Variants in CPED1 observed in about 807,000 individuals in gnomAD.
The protein encoded by CPED1 is cadherin-like and PC-esterase domain-containing protein 1.
Under a neutral mutation model 128.2 loss-of-function variants are expected in CPED1, and 114 were observed. That is an observed-to-expected ratio of 0.89 (90% CI 0.76 to 1.04). The LOEUF is 1.04. Among genes scored for constraint, CPED1 ranks in the 50% least tolerant of loss-of-function variants. CPED1 has a pLI of 0.00. For synonymous variants in CPED1, 462 were observed against 426.7 expected (o/e 1.08, Z -1.02); for missense variants, 1,211 against 1,207.1 (o/e 1.00, Z -0.05).
intron 16 of CPED1, among the ~76,000 whole-genome samples, chr7:121,229,765 C>T (rs559384173): frequency 6.6e-6 from 1 of 151,918 alleles, no homozygotes; most frequent in African/African-American, 2.4e-5. Context: ...TCTTTCAATG[C>T]AATTTAATTT....
chr7:121,296,452 A>G lies in CPED1; in HGVS notation c.*800A>G, dbSNP rs1243500674. ...ATTACTGTACTATGTTTCATTGATG[A>G]TATTACTTAAATCTTGTGTTTGCCA... On this transcript the variant is annotated 3_prime_UTR_variant, in exon 23 of 23. Transcript: ENST00000310396. 6.6e-6 allele frequency: 1 copy of G among 152,146 alleles called. No homozygotes were observed. The highest frequency in any genetic ancestry group is 1.5e-5 in the Non-Finnish European group (1 of 67,990). 9.4% of individuals were successfully genotyped at this position (152,146 alleles called of 1,614,324 possible). A position where few individuals can be genotyped will look rare whatever the true frequency, so the allele number is the denominator to read the frequency against.
chr7:121,099,747 C>T (rs964007721), intron 6 of CPED1, among the ~76,000 whole-genome samples, 179 bp from the exon 7 acceptor site: 27 of 152,166 alleles, frequency 1.8e-4, no homozygotes, highest in Admixed American at 3.3e-4. Context: ...TCTCGCTGTA[C>T]CTCTCCACCA....
At chr7:121,016,693 C>T (rs1270797373) in intron 3 of CPED1, among the ~76,000 whole-genome samples, 3 of 152,208 alleles carry the variant, frequency 2.0e-5, no homozygotes, top group Non-Finnish European at 4.4e-5. Context: ...TTTGATACTT[C>T]AATCTCTCCT....
rs201393067 is a variant in CPED1 at position 121,256,129 on chromosome 7, CAA to C, written c.2311-10087_2311-10086del. ...TCCTAAGCAAAAAAAAAAAACAAAA[CAA>C]AAAAAAAAAACAAAGCTTATGCCAA... is the stretch of plus-strand genomic sequence containing the variant. On this transcript the variant is annotated intron_variant, in intron 18 of 22. Transcript: ENST00000310396. 4.9e-5 allele frequency among the ~76,000 whole-genome samples: 5 copies of C among 101,262 alleles called. 1 individual carries two copies. The highest frequency in any genetic ancestry group is 7.5e-5 in the Non-Finnish European group (4 of 53,688). The allele number at this position is 101,262 out of a possible 152,430, so 66.4% of individuals were successfully genotyped here.
intron 16 of CPED1, among the ~76,000 whole-genome samples, chr7:121,166,811 C>CCTAACTGTTAA (rs1796536605): frequency 6.6e-6 from 1 of 152,086 alleles, no homozygotes; most frequent in Non-Finnish European, 1.5e-5. Flanking sequence ...GGAGAAAGTT[C>CCTAACTGTTAA]TTTAATGTAA....
intron 7 of CPED1, among the ~76,000 whole-genome samples, chr7:121,106,961 A>C (rs1014517917): frequency 2.6e-5 from 4 of 152,116 alleles, no homozygotes; most frequent in African/African-American, 9.7e-5. Context: ...TAGTGTAAGC[A>C]ATCTTTCAAA....
intron 16 of CPED1, among the ~76,000 whole-genome samples, chr7:121,184,325 C>G (rs775707181): frequency 3.9e-5 from 6 of 151,914 alleles, no homozygotes; most frequent in Non-Finnish European, 8.8e-5. Flanking sequence ...GAGGGCAAAC[C>G]AACAGTTTTT....
intron 7 of CPED1, among the ~76,000 whole-genome samples, chr7:121,114,063 C>T (rs1795176549): frequency 6.6e-6 from 1 of 152,148 alleles, no homozygotes; most frequent in South Asian, 2.1e-4. Context: ...ACCTCCTGAC[C>T]TCGTGATCCA....
chr7:121,064,549 A>G (rs1793777272), intron 5 of CPED1, among the ~76,000 whole-genome samples: 2 of 152,166 alleles, frequency 1.3e-5, no homozygotes, highest in Non-Finnish European at 2.9e-5. Context: ...TGCCAGATGA[A>G]TATATTTCTT....
intron 3 of CPED1, among the ~76,000 whole-genome samples, chr7:121,043,407 T>C (rs1793109334): frequency 6.6e-6 from 1 of 152,168 alleles, no homozygotes. Context: ...TGGAATAGCA[T>C]GATAAATATA....
At chr7:121,273,456 A>G (rs961518896) in intron 22 of CPED1, among the ~76,000 whole-genome samples, 1 of 151,916 alleles carries the variant, frequency 6.6e-6, no homozygotes, top group African/African-American at 2.4e-5. Context: ...TGGGAAGTAG[A>G]GGTTGCAATG....
rs13243567 is a variant in CPED1, at chr7:121,252,045, G to A, written c.2310+7707G>A. ...AAAAGAACAAAGCTGGAGGCATCAC[G>A]CTACCTGACTTCAAACTATACTACA... On this transcript the variant is annotated intron_variant, in intron 18 of 22. Transcript: ENST00000310396. Among the ~76,000 whole-genome samples the A allele has an allele frequency of 9.6e-4, 146 of 151,354 alleles. 1 individual carries two copies. In the South Asian group the frequency reaches 0.013, roughly 13 times the overall value.
intron 18 of CPED1, among the ~76,000 whole-genome samples, chr7:121,250,561 T>G (rs1414077481): frequency 6.6e-6 from 1 of 150,646 alleles, no homozygotes; most frequent in Non-Finnish European, 1.5e-5. Context: ...TCAACAAAAT[T>G]GATAGACCGC....
chr7:121,266,586 T>C, intron 19 of CPED1, 121 bp from the exon 20 acceptor site: 1 of 1,163,186 alleles, frequency 8.6e-7, no homozygotes. Flanking sequence ...GAAAACAAGT[T>C]GGAAAGTACA....
At position 121,218,728 on chromosome 7, in the gene CPED1, G is replaced by A. The variant is rs62469351; in HGVS notation, c.2056-17986G>A. Among the ~76,000 whole-genome samples the A allele has an allele frequency of 5.3e-3, 800 of 152,136 alleles. 4 individuals carry two copies. Among genetic ancestry groups the A allele is most frequent in the Non-Finnish European group, 9.1e-3 (621 of 67,962 alleles). On this transcript the variant is annotated intron_variant, in intron 16 of 22. Coordinates refer to ENST00000310396, the MANE Select transcript of CPED1 (RefSeq NM_024913.5). ...TCAGGGGACATGGGGCTAGGGGAGG[G>A]ATAGCATTAGGAGAAATACCTAATG...
intron 16 of CPED1, among the ~76,000 whole-genome samples, chr7:121,162,462 A>C (rs976588621): frequency 2.0e-5 from 3 of 152,230 alleles, no homozygotes; most frequent in Non-Finnish European, 4.4e-5. Context: ...TTCTGATATA[A>C]TCCAATGCAC....
intron 3 of CPED1, among the ~76,000 whole-genome samples, chr7:121,025,916 GC>G: frequency 6.6e-6 from 1 of 152,118 alleles, no homozygotes; most frequent in South Asian, 2.1e-4. Flanking sequence ...GTGTCCTACC[GC>G]CTCAACATGT....
At chr7:121,238,439 C>G (rs2116671103) in intron 17 of CPED1, among the ~76,000 whole-genome samples, 1 of 152,268 alleles carries the variant, frequency 6.6e-6, no homozygotes, top group East Asian at 1.9e-4. Flanking sequence ...CTCTTCCCAT[C>G]TTTGCCCAGC....
rs181645799 is a variant in CPED1, at chr7:121,157,726, C to T, written c.2055+15585C>T. Among the ~76,000 whole-genome samples, 153 of 152,224 alleles carry T rather than the reference C, an allele frequency of 1.0e-3. 2 individuals carry two copies. The highest frequency in any genetic ancestry group is 3.5e-4 in the Non-Finnish European group (24 of 68,014). ...GAACCCATGAATCAGGTATCAGACC[C>T]GCTGGCAGTTTGTAGTTGTGCCTTA... On this transcript the variant is annotated intron_variant, in intron 16 of 22. Coordinates refer to ENST00000310396, the MANE Select transcript of CPED1 (RefSeq NM_024913.5).
Sources: allele counts gnomAD v4.1 joint callset (sites outside exome capture counted in the v4.1 genomes callset), GRCh38; gene constraint gnomAD v4.1.1; transcripts MANE v1.5; gene names NCBI Gene and HGNC (gene_info 2026-07-23, HGNC 2026-07-21).